Variants in CRYBG3 observed in about 807,000 individuals in gnomAD.
CRYBG3 encodes very large A-kinase anchor protein.
A neutral mutation model predicts 244.2 loss-of-function variants in CRYBG3; 127 were observed. That is an observed-to-expected ratio of 0.52 (90% CI 0.45 to 0.60). CRYBG3 has a LOEUF of 0.60. CRYBG3 is among the 20% of genes least tolerant of loss of function. CRYBG3 has a pLI of 0.00. For synonymous variants in CRYBG3, 1,132 were observed against 1,195.8 expected, an observed-to-expected ratio of 0.95 and a Z score of 1.10; for missense variants, 3,325 against 3,442.5, an observed-to-expected ratio of 0.97 and a Z score of 0.85.
chr3:97,898,553 A>C (rs1033083151), intron 12 of CRYBG3, among the ~76,000 whole-genome samples: 6 of 152,144 alleles, frequency 3.9e-5, no homozygotes. Context: ...TGTTTCATAT[A>C]GTTTTTATTC....
chr3:97,844,481 T>C (rs1026883769), intron 2 of CRYBG3, among the ~76,000 whole-genome samples: 1 of 152,212 alleles, frequency 6.6e-6, no homozygotes, highest in Non-Finnish European at 1.5e-5. Context: ...CTTCCAAGTT[T>C]CTTTGGTTAT....
intron 7 of CRYBG3, among the ~76,000 whole-genome samples, chr3:97,882,053 A>G (rs2039455193): frequency 6.6e-6 from 1 of 151,946 alleles, no homozygotes; most frequent in Non-Finnish European, 1.5e-5. Context: ...TACTAAAAAT[A>G]CAAAAATTAA....
chr3:97,890,168 C>T (rs1326979300), intron 10 of CRYBG3, among the ~76,000 whole-genome samples: 3 of 152,170 alleles, frequency 2.0e-5, no homozygotes, highest in African/African-American at 4.8e-5. Context: ...ACTTCTTTAT[C>T]TGAGTGTATC....
chr3:97,833,846 T>C (rs1234090611), intron 1 of CRYBG3, among the ~76,000 whole-genome samples: 3 of 152,148 alleles, frequency 2.0e-5, no homozygotes, highest in Non-Finnish European at 4.4e-5. Flanking sequence ...GGCTCAGGAT[T>C]CTGATGGCTA....
rs370317726 is a variant in CRYBG3, at chr3:97,877,719, G to A, written c.6525G>A (p.Leu2175=). 10 of 1,614,072 alleles carry A rather than the reference G, an allele frequency of 6.2e-6. No homozygotes were observed. Among genetic ancestry groups the A allele is most frequent in the Non-Finnish European group, 7.6e-6 (9 of 1,179,988 alleles). Residue 2175 remains leucine, a synonymous_variant, in exon 4 of 22, where the codon TTG becomes TTA. Coordinates refer to ENST00000389622, the MANE Select transcript of CRYBG3 (RefSeq NM_153605.4). ...GTGGGGAGCGTGTTACCTTCCAGTT[G>A]CCAGATCCTTCCATCACATTTTACC... The part of the protein sequence containing the change: ...AGSGERVTFQ[L]PDPSITFYPD...
intron 2 of CRYBG3, among the ~76,000 whole-genome samples, chr3:97,843,784 G>A (rs2038856964): frequency 6.6e-6 from 1 of 152,124 alleles, no homozygotes; most frequent in Non-Finnish European, 1.5e-5. Context: ...CCTACATAGG[G>A]GATTCTCCAT....
chr3:97,876,020 C>A lies in CRYBG3; in HGVS notation c.4826C>A (p.Thr1609Asn). 1 of 1,231,916 alleles carries A rather than the reference C, an allele frequency of 8.1e-7. No individual in the cohort carries two copies. Among genetic ancestry groups the A allele is most frequent in the Non-Finnish European group, 1.0e-6 (1 of 987,922 alleles). The allele number at this position is 1,231,916 out of a possible 1,614,324, so 76.3% of individuals were successfully genotyped here. A position where few individuals can be genotyped will look rare whatever the true frequency, so the allele number is the denominator to read the frequency against. The change falls in exon 4 of 22, where the codon ACT becomes AAT. Residue 1609 changes from threonine to asparagine, a missense_variant. Physicochemically the swap from Thr to Asn is moderately conservative, Grantham distance 65. Coordinates refer to ENST00000389622, the MANE Select transcript of CRYBG3 (RefSeq NM_153605.4). ...GATGCCGAGAGCTGTATTGAAAAAA[C>A]TGAGGGATCAGCTGTCATTTTAGGA... The part of the protein sequence containing the change: ...QMDAESCIEK[T>N]EGSAVILGME...
At chr3:97,845,340 G>A (rs1452220549) in intron 2 of CRYBG3, among the ~76,000 whole-genome samples, 2 of 152,088 alleles carry the variant, frequency 1.3e-5, no homozygotes, top group Non-Finnish European at 2.9e-5. Context: ...TAAACAATTA[G>A]AGATTATATT....
chr3:97,886,685 C>T lies in CRYBG3; in HGVS notation c.7207C>T (p.Pro2403Ser), dbSNP rs1476846635. The change falls in exon 8 of 22, where the codon CCT (proline) becomes TCT (serine). Residue 2403 changes from proline to serine, a missense_variant. Around this residue, in one of 4 missense-constraint regions of CRYBG3, gnomAD observed 714 missense variants for 803.6 expected, o/e 0.89. Coordinates refer to ENST00000389622, the MANE Select transcript of CRYBG3 (RefSeq NM_153605.4). ...CCCACAATCTGACCCAGCCTGTTGT[C>T]CTGTCTACATACAGAGAGCAGTCCC... ...LFPQSDPACC[P>S]VYIQRAVPNL... 1 of 1,612,002 alleles carries T rather than the reference C, an allele frequency of 6.2e-7. No homozygotes were observed. Among genetic ancestry groups the T allele is most frequent in the Non-Finnish European group, 8.5e-7 (1 of 1,179,208 alleles).
intron 2 of CRYBG3, among the ~76,000 whole-genome samples, chr3:97,859,147 A>G (rs538047577): frequency 6.6e-6 from 1 of 152,278 alleles, no homozygotes; most frequent in East Asian, 1.9e-4. Context: ...TGCTGGGGGC[A>G]GTATCGTCAG....
At chr3:97,900,539 AC>A in intron 15 of CRYBG3, 54 bp downstream of exon 15, 6 of 1,075,318 alleles carry the variant, frequency 5.6e-6, no homozygotes, top group Non-Finnish European at 8.4e-6. Context: ...AAGCATTTAT[AC>A]CCTTTCTCTC....
chr3:97,943,351 C>A lies in CRYBG3; in HGVS notation c.*37C>A. On this transcript the variant is annotated 3_prime_UTR_variant, in exon 22 of 22. Coordinates refer to ENST00000389622, the MANE Select transcript of CRYBG3 (RefSeq NM_153605.4). Reference sequence around the variant, plus strand: ...TCCCTAGAAAGATCCCTAGAAAGAGCAAAGAAGGAAACACATCTGTCATTG... The same window carrying A: ...TCCCTAGAAAGATCCCTAGAAAGAGAAAAGAAGGAAACACATCTGTCATTG... The A allele has an allele frequency of 8.3e-7, 1 of 1,197,974 alleles. No homozygotes were observed. The highest frequency in any genetic ancestry group is 1.2e-6 in the Non-Finnish European group (1 of 809,548). The allele number at this position is 1,197,974 out of a possible 1,614,324, so 74.2% of individuals were successfully genotyped here.
In CRYBG3 at chr3:97,880,886, T is replaced by A. The variant is rs538259317; in HGVS notation, c.7005-186T>A. Among the ~76,000 whole-genome samples the A allele has an allele frequency of 6.6e-5, 10 of 152,356 alleles. No homozygotes were observed. In the East Asian group the frequency reaches 1.9e-3, roughly 29 times the overall value. The stretch of plus-strand genomic sequence containing the variant: ...TATTTCCAAGGTATATGCACTTTTA[T>A]TTTTTCTTTACTGTTCGCCTGTACT... On this transcript the variant is annotated intron_variant, in intron 6 of 21. Transcript: ENST00000389622.
At position 97,875,599 on chromosome 3, in the gene CRYBG3, A is replaced by G; in HGVS notation, c.4405A>G (p.Arg1469Gly). ...TAATAACAAAACTGAGACAGAGGAC[A>G]GAAGAACTCTTGTATTAAATTTCAA... is the stretch of plus-strand genomic sequence containing the variant. ...VDNNKTETED[R>G]RTLVLNFKWP... Residue 1469 changes from arginine to glycine, a missense_variant, in exon 4 of 22, where the codon AGA becomes GGA. By Grantham distance (125) the Arg-to-Gly change is moderately radical (BLOSUM62 -2). Around this residue, in one of 4 missense-constraint regions of CRYBG3, gnomAD observed 635 missense variants for 771.7 expected, o/e 0.82. Transcript: ENST00000389622. 1 of 1,236,782 alleles carries G rather than the reference A, an allele frequency of 8.1e-7. No homozygotes were observed. 76.6% of individuals were successfully genotyped at this position (1,236,782 alleles called of 1,614,324 possible).
At chr3:97,869,216 C>T (rs944248622) in intron 3 of CRYBG3, among the ~76,000 whole-genome samples, 2 of 149,852 alleles carry the variant, frequency 1.3e-5, no homozygotes, top group Non-Finnish European at 3.0e-5. Flanking sequence ...TTATATTCGC[C>T]ATTCATTCAT....
intron 2 of CRYBG3, among the ~76,000 whole-genome samples, chr3:97,859,288 G>A (rs553376545): frequency 1.3e-5 from 2 of 152,276 alleles, no homozygotes; most frequent in East Asian, 1.9e-4. Context: ...GGGTCCTGTG[G>A]TGAGGGTGCA....
At chr3:97,926,868 G>T (rs941184057) in intron 17 of CRYBG3, among the ~76,000 whole-genome samples, 7 of 151,934 alleles carry the variant, frequency 4.6e-5, no homozygotes, top group African/African-American at 7.2e-5. Flanking sequence ...CCAGGGAGGT[G>T]AAAGATCTCT....
At chr3:97,880,198 T>A in intron 6 of CRYBG3, 98 bp downstream of exon 6, 1 of 607,366 alleles carries the variant, frequency 1.6e-6, no homozygotes, top group South Asian at 2.2e-5. Flanking sequence ...GAAGTCATAT[T>A]CTCCTTCCTC....
chr3:97,937,493 C>T (rs1222029186), intron 19 of CRYBG3, among the ~76,000 whole-genome samples: 3 of 152,194 alleles, frequency 2.0e-5, no homozygotes, highest in South Asian at 2.1e-4. Flanking sequence ...GTTCTTCCCT[C>T]ATTCTTTATT....
Sources: allele counts gnomAD v4.1 joint callset (sites outside exome capture counted in the v4.1 genomes callset), GRCh38; gene constraint gnomAD v4.1.1; regional missense constraint gnomAD v4.1.1; transcripts MANE v1.5; gene names NCBI Gene and HGNC (gene_info 2026-07-23, HGNC 2026-07-21).